The following TENM4 variants were observed in gnomAD, a reference collection of about 807,000 sequenced individuals.
TENM4 encodes teneurin-4.
A neutral mutation model predicts 243.3 loss-of-function variants in TENM4; 82 were observed. The ratio of observed to expected loss-of-function variants is 0.34; its 90% confidence interval spans 0.28 to 0.40. TENM4 has a LOEUF of 0.40. Ranked by LOEUF, TENM4 falls within the 10% of genes least tolerant of loss-of-function variation. TENM4 has a pLI of 1.00. For missense variants in TENM4, 3,138 were observed against 3,673.3 expected (o/e 0.85, Z 3.77); for synonymous variants, 1,412 against 1,456.3 (o/e 0.97, Z 0.69).
chr11:78,966,193 T>TAAAAAA (rs34603312), intron 6 of TENM4, among the ~76,000 whole-genome samples: 1 of 131,604 alleles, frequency 7.6e-6, no homozygotes, highest in Non-Finnish European at 1.6e-5. Context: ...AAAGGAAAAT[T>TAAAAAA]AAAAAAAAAA....
intron 3 of TENM4, among the ~76,000 whole-genome samples, chr11:79,180,615 T>C (rs1266692901): frequency 1.3e-5 from 2 of 151,538 alleles, no homozygotes; most frequent in Non-Finnish European, 3.0e-5. Flanking sequence ...ACTATACTTA[T>C]ATATATATTT....
intron 10 of TENM4, among the ~76,000 whole-genome samples, chr11:78,858,273 AGAG>A (rs1163125426): frequency 6.6e-6 from 1 of 152,160 alleles, no homozygotes; most frequent in Non-Finnish European, 1.5e-5. Flanking sequence ...CTCTTACCCC[AGAG>A]GAGGTGACAA....
chr11:79,025,079 G>C (rs1859039661), intron 6 of TENM4, among the ~76,000 whole-genome samples: 1 of 152,164 alleles, frequency 6.6e-6, no homozygotes, highest in South Asian at 2.1e-4. Flanking sequence ...TGCCAGGGGA[G>C]GAAGGAAAGG....
intron 2 of TENM4, among the ~76,000 whole-genome samples, chr11:79,246,425 C>T (rs1440330751): frequency 1.3e-5 from 2 of 152,130 alleles, no homozygotes; most frequent in African/African-American, 4.8e-5. Flanking sequence ...CCTCTAATTC[C>T]TTTCTGAGGT....
chr11:79,099,209 T>C (rs958168278), intron 4 of TENM4, among the ~76,000 whole-genome samples: 7 of 152,096 alleles, frequency 4.6e-5, no homozygotes, highest in Non-Finnish European at 7.4e-5. Flanking sequence ...TGGATTCCCC[T>C]CCTGCCAGGG....
At chr11:79,235,455 T>A (rs1864447438) in intron 2 of TENM4, among the ~76,000 whole-genome samples, 1 of 152,158 alleles carries the variant, frequency 6.6e-6, no homozygotes, top group African/African-American at 2.4e-5. Context: ...TCCCTAGTCA[T>A]GCGGCCTGAC....
rs868392040 is a variant in TENM4, at chr11:78,889,749, G to C, written c.1084+36C>G. The C allele has an allele frequency of 2.7e-5, 42 of 1,545,656 alleles. No individual in the cohort carries two copies. In the African/African-American group the frequency reaches 5.2e-4, roughly 19 times the overall value. ...CTTGGTTGCTGCCCTCTGGGCCAAA[G>C]AGGAGCAAGGGGAGCTGGGGTGAAG... On this transcript the variant is annotated intron_variant, in intron 9 of 33. Coordinates refer to ENST00000278550, the MANE Select transcript of TENM4 (RefSeq NM_001098816.3).
chr11:78,775,618 G>A (rs1166177802), intron 17 of TENM4, among the ~76,000 whole-genome samples: 2 of 152,162 alleles, frequency 1.3e-5, no homozygotes, highest in Non-Finnish European at 2.9e-5. Flanking sequence ...GCATGAGGAA[G>A]GCTCTTCCAG....
At chr11:79,211,367 G>A (rs758872938) in intron 3 of TENM4, among the ~76,000 whole-genome samples, 4 of 152,032 alleles carry the variant, frequency 2.6e-5, no homozygotes, top group Non-Finnish European at 5.9e-5. Flanking sequence ...CTCACTCCCC[G>A]CTGGACTCGG....
intron 6 of TENM4, among the ~76,000 whole-genome samples, chr11:79,032,852 T>C (rs1180880087): frequency 1.3e-5 from 2 of 152,172 alleles, no homozygotes; most frequent in Non-Finnish European, 2.9e-5. Flanking sequence ...GATATTTTTT[T>C]CCCCATTCCT....
At chr11:79,145,300 T>C (rs1862376175) in intron 4 of TENM4, among the ~76,000 whole-genome samples, 1 of 152,048 alleles carries the variant, frequency 6.6e-6, no homozygotes, top group Non-Finnish European at 1.5e-5. Flanking sequence ...TTGATGCATT[T>C]CTACAAATTG....
intron 3 of TENM4, among the ~76,000 whole-genome samples, chr11:79,154,902 A>T (rs1862573753): frequency 6.6e-6 from 1 of 152,050 alleles, no homozygotes; most frequent in Non-Finnish European, 1.5e-5. Flanking sequence ...ACCCTTACCT[A>T]TTTTGTTCAC....
At chr11:78,738,616 C>T (rs577757851) in intron 19 of TENM4, 46 bp from the exon 20 acceptor site, 91 of 1,586,500 alleles carry the variant, frequency 5.7e-5, no homozygotes, top group Non-Finnish European at 7.5e-5. Context: ...CTTTCATGGT[C>T]AGAGCCCTGG....
At chr11:78,663,483 TG>T (rs1369313608) in intron 32 of TENM4, among the ~76,000 whole-genome samples, 2 of 152,166 alleles carry the variant, frequency 1.3e-5, no homozygotes, top group African/African-American at 4.8e-5. Context: ...AGTGAATTCT[TG>T]CTCTATTAGT....
At chr11:78,850,736 A>G (rs1858516021) in intron 12 of TENM4, among the ~76,000 whole-genome samples, 1 of 152,198 alleles carries the variant, frequency 6.6e-6, no homozygotes, top group African/African-American at 2.4e-5. Context: ...AACAGCTTCC[A>G]TTTATTGAGT....
chr11:79,358,747 TTTCC>T (rs1472040935), intron 1 of TENM4, among the ~76,000 whole-genome samples: 9 of 236 alleles, frequency 0.038, no homozygotes, highest in East Asian at 0.17. Context: ...CTTCCTTTCC[TTTCC>T]TTTTTTCCTT....
At position 78,669,594 on chromosome 11, in the gene TENM4, C is replaced by A. The variant is rs555843468; in HGVS notation, c.6751G>T (p.Val2251Leu). 1.2e-6 allele frequency: 2 copies of A among 1,613,966 alleles called. No homozygotes were observed. The highest frequency in any genetic ancestry group is 1.6e-4 in the Middle Eastern group (1 of 6,062). Residue 2251 changes from valine (V) to leucine (L), a missense_variant, in exon 32 of 34, where the codon GTG becomes TTG. This residue lies in a region of TENM4 where 2,467 missense variants were observed against 3,059.1 expected (regional missense o/e 0.81). Coordinates refer to ENST00000278550, the MANE Select transcript of TENM4 (RefSeq NM_001098816.3). The surrounding 1 kb of genome is among the most constrained non-coding windows in gnomAD (Gnocchi z 6.4). Reference protein sequence around the residue: ...IRDRITRLGDVQYKMDEDGFL... With the variant: ...IRDRITRLGDLQYKMDEDGFL... ...CCATCCTCATCCATCTTGTATTGCA[C>A]GTCACCCAGCCGAGTGATGCGGTCG...
chr11:79,234,535 G>T (rs1243596427), intron 2 of TENM4, among the ~76,000 whole-genome samples: 1 of 152,194 alleles, frequency 6.6e-6, no homozygotes, highest in Non-Finnish European at 1.5e-5. Flanking sequence ...GCTGGGATGA[G>T]ATCACTTATG....
chr11:78,980,664 T>C (rs1302884150), intron 6 of TENM4, among the ~76,000 whole-genome samples: 15 of 152,204 alleles, frequency 9.9e-5, no homozygotes, highest in Non-Finnish European at 1.2e-4. Flanking sequence ...GAATCCTCGC[T>C]CCACCACTTA....
Sources: gnomAD v4.1 joint callset for allele counts (sites outside exome capture counted in the v4.1 genomes callset) on GRCh38, gnomAD v4.1.1 for gene constraint, gnomAD v4.1.1 regional missense constraint, Gnocchi (gnomAD v3.1) non-coding constraint, MANE v1.5 for transcripts, NCBI Gene and HGNC (gene_info 2026-07-23, HGNC 2026-07-21) for gene names.